The following HAO1 variants were observed in gnomAD, a reference collection of about 807,000 sequenced individuals.
The protein encoded by HAO1 is hydroxyacid oxidase 1.
Under a neutral mutation model 39.7 loss-of-function variants are expected in HAO1, and 34 were observed. That is an observed-to-expected ratio of 0.86 (90% CI 0.65 to 1.14). The LOEUF is 1.14. Among genes scored for constraint, HAO1 ranks in the 50% most tolerant of loss-of-function variants. HAO1 has a pLI of 0.00. For synonymous variants in HAO1, 172 were observed against 173.2 expected, an observed-to-expected ratio of 0.99 and a Z score of 0.05; for missense variants, 479 against 464.5, an observed-to-expected ratio of 1.03 and a Z score of -0.29.
intron 4 of HAO1, among the ~76,000 whole-genome samples, chr20:7,901,841 G>C (rs966435165): frequency 2.6e-5 from 4 of 152,132 alleles, no homozygotes; most frequent in African/African-American, 9.7e-5. Flanking sequence ...ACAGGAGGAG[G>C]TCAAAATATC....
At chr20:7,916,213 G>C (rs1285253071) in intron 2 of HAO1, among the ~76,000 whole-genome samples, 3 of 152,028 alleles carry the variant, frequency 2.0e-5, no homozygotes, top group Non-Finnish European at 4.4e-5. Context: ...CCTTAGTGGA[G>C]GAGAAACTGA....
intron 5 of HAO1, among the ~76,000 whole-genome samples, chr20:7,891,561 T>C (rs957833045): frequency 2.0e-5 from 3 of 152,180 alleles, no homozygotes; most frequent in Non-Finnish European, 4.4e-5. Context: ...TCCCAGCTAT[T>C]TCTCTTTGTT....
At chr20:7,890,071 T>A (rs1272053713) in intron 5 of HAO1, among the ~76,000 whole-genome samples, 1 of 152,164 alleles carries the variant, frequency 6.6e-6, no homozygotes, top group Non-Finnish European at 1.5e-5. Context: ...AACTTTGTAC[T>A]TTGCGGTACA....
At chr20:7,928,230 C>G (rs780252454) in intron 2 of HAO1, among the ~76,000 whole-genome samples, 5 of 152,090 alleles carry the variant, frequency 3.3e-5, no homozygotes, top group Non-Finnish European at 7.4e-5. Context: ...TCATCTAAAC[C>G]CTCCAAGGCT....
chr20:7,913,174 T>G (rs1233904725), intron 3 of HAO1, among the ~76,000 whole-genome samples: 10 of 151,020 alleles, frequency 6.6e-5, no homozygotes, highest in Non-Finnish European at 1.2e-4. Flanking sequence ...TTTTTTGTTT[T>G]TTTTTTTTTT....
chr20:7,914,322 C>T lies in HAO1; in HGVS notation c.387G>A (p.Leu129=). 6.2e-7 allele frequency: 1 copy of T among 1,614,024 alleles called. No homozygotes were observed. Among genetic ancestry groups the T allele is most frequent in the Non-Finnish European group, 8.5e-7 (1 of 1,179,972 alleles). Residue 129 remains leucine (L), a synonymous_variant, in exon 3 of 8, where the codon CTG becomes CTA. Transcript: ENST00000378789. ...AEAGPEALRW[L]QLYIYKDREV... is the part of the protein sequence containing the mutation. ...CTCGGTCCTTGTAGATATACAGTTG[C>T]AGCCAACGAAGTGCCTCAGGACCAG...
At chr20:7,904,333 C>T (rs2050237622) in intron 4 of HAO1, among the ~76,000 whole-genome samples, 2 of 152,120 alleles carry the variant, frequency 1.3e-5, no homozygotes, top group Non-Finnish European at 2.9e-5. Context: ...CCATTAGGTC[C>T]GTTGTGCAAA....
intron 2 of HAO1, among the ~76,000 whole-genome samples, chr20:7,930,156 T>C (rs1202178716): frequency 6.6e-6 from 1 of 152,110 alleles, no homozygotes; most frequent in Non-Finnish European, 1.5e-5. Context: ...CTAACCCGTT[T>C]TCTGAACCTG....
Position 7,931,266 on chromosome 20 carries a change from T to C in HAO1, c.289+3218A>G, listed in dbSNP as rs554249691. On this transcript the variant is annotated intron_variant, in intron 2 of 7. Transcript: ENST00000378789. ...CTGCTGGATCCACCTTATCCAAATG[T>C]CTATTGTGTAACTTATCTTCCTGAG... is the stretch of plus-strand genomic sequence containing the variant. Among the ~76,000 whole-genome samples the C allele has an allele frequency of 9.2e-5, 14 of 152,274 alleles. No homozygotes were observed. The South Asian group carries it at 2.9e-3, about 32-fold the overall frequency.
chr20:7,892,358 T>C (rs1173449685), intron 5 of HAO1, among the ~76,000 whole-genome samples: 2 of 152,194 alleles, frequency 1.3e-5, no homozygotes, highest in East Asian at 1.9e-4. Context: ...GTGCTGGGAT[T>C]ACAGGCGTGA....
intron 5 of HAO1, among the ~76,000 whole-genome samples, chr20:7,890,247 C>T (rs2050168205): frequency 6.6e-6 from 1 of 151,840 alleles, no homozygotes. Context: ...GAGTCTTGCT[C>T]TTGTTGCCCA....
At chr20:7,902,816 T>A (rs1054047164) in intron 4 of HAO1, among the ~76,000 whole-genome samples, 2 of 152,184 alleles carry the variant, frequency 1.3e-5, no homozygotes, top group African/African-American at 4.8e-5. Flanking sequence ...CTTAAGTACA[T>A]GTTAGGAGCT....
At chr20:7,916,863 A>G (rs2050309348) in intron 2 of HAO1, among the ~76,000 whole-genome samples, 1 of 152,154 alleles carries the variant, frequency 6.6e-6, no homozygotes, top group African/African-American at 2.4e-5. Flanking sequence ...CTGGCAAAAT[A>G]TTGTCTAAAA....
chr20:7,909,267 T>C (rs1487438318), intron 3 of HAO1, among the ~76,000 whole-genome samples: 2 of 150,760 alleles, frequency 1.3e-5, no homozygotes, highest in Non-Finnish European at 2.9e-5. Flanking sequence ...CAAGAAAAAG[T>C]TTTCAGATAT....
chr20:7,906,299 T>TTAA lies in HAO1; in HGVS notation c.575_576insTTA (p.Ser192_Phe193insTer). ...CTCCAAAATTTTCCTCAGGAGAAAA[T>TTAA]GATAAAGTACTGGTTTCAAAATTTT... On this transcript the variant is annotated stop_gained and inframe_insertion, in exon 4 of 8. Transcript: ENST00000378789. LOFTEE classifies it high-confidence loss of function. 1 of 1,611,192 alleles carries TTAA rather than the reference T, an allele frequency of 6.2e-7. No individual in the cohort carries two copies. Among genetic ancestry groups the TTAA allele is most frequent in the Non-Finnish European group, 8.5e-7 (1 of 1,177,598 alleles).
intron 1 of HAO1, among the ~76,000 whole-genome samples, chr20:7,938,505 A>G (rs1429671343): frequency 6.6e-6 from 1 of 152,132 alleles, no homozygotes; most frequent in African/African-American, 2.4e-5. Context: ...ATAGGATGGG[A>G]ATACTCACTT....
chr20:7,906,033 T>C (rs2050245943), intron 4 of HAO1, 121 bp downstream of exon 4: 1 of 742,906 alleles, frequency 1.3e-6, no homozygotes, highest in Non-Finnish European at 2.4e-6. Flanking sequence ...AATTGAGAGT[T>C]GGAATGTCTC....
chr20:7,896,029 A>C (rs1324168795), intron 4 of HAO1, among the ~76,000 whole-genome samples: 1 of 151,846 alleles, frequency 6.6e-6, no homozygotes, highest in South Asian at 2.1e-4. Context: ...CCAAGATTGC[A>C]CCACTGCACT....
intron 2 of HAO1, among the ~76,000 whole-genome samples, chr20:7,924,129 C>T (rs900966537): frequency 4.6e-5 from 7 of 152,096 alleles, no homozygotes; most frequent in South Asian, 2.1e-4. Flanking sequence ...AAACTGTGTT[C>T]GCATAATGGC....
Sources: gnomAD v4.1 joint callset for allele counts (sites outside exome capture counted in the v4.1 genomes callset) on GRCh38, gnomAD v4.1.1 for gene constraint, MANE v1.5 for transcripts, NCBI Gene and HGNC (gene_info 2026-07-23, HGNC 2026-07-21) for gene names.